CCSER1: variants seen among roughly 807,000 people sequenced by gnomAD.
The protein encoded by CCSER1 is serine-rich coiled-coil domain-containing protein 1.
Under a neutral mutation model 82.0 loss-of-function variants are expected in CCSER1, and 41 were observed. The ratio of observed to expected loss-of-function variants is 0.50; its 90% CI spans 0.39 to 0.65. CCSER1 has a LOEUF of 0.65. Among genes scored for constraint, CCSER1 ranks in the 30% least tolerant of loss-of-function variants. The pLI is 0.00. For synonymous variants in CCSER1, 414 were observed against 383.9 expected, an observed-to-expected ratio of 1.08 and a Z score of -0.92; for missense variants, 1,119 against 1,064.2, an observed-to-expected ratio of 1.05 and a Z score of -0.72.
At chr4:90,204,760 T>C (rs796985877) in intron 1 of CCSER1, among the ~76,000 whole-genome samples, 1 of 152,182 alleles carries the variant, frequency 6.6e-6, no homozygotes, top group Non-Finnish European at 1.5e-5. Context: ...GGGGATAGCA[T>C]TGAATCTATA....
chr4:90,434,041 C>G (rs997822548), intron 4 of CCSER1, among the ~76,000 whole-genome samples: 1 of 151,844 alleles, frequency 6.6e-6, no homozygotes, highest in African/African-American at 2.4e-5. Flanking sequence ...GAAGTTACAA[C>G]TTTTTCCCCA....
chr4:91,547,137 G>T (rs929513431), intron 10 of CCSER1, among the ~76,000 whole-genome samples: 2 of 151,866 alleles, frequency 1.3e-5, no homozygotes, highest in Non-Finnish European at 2.9e-5. Context: ...ATTTGTTAAG[G>T]TGTGTTTTAT....
At chr4:90,712,310 T>G (rs186117680) in intron 6 of CCSER1, among the ~76,000 whole-genome samples, 2 of 152,118 alleles carry the variant, frequency 1.3e-5, no homozygotes, top group African/African-American at 4.8e-5. Flanking sequence ...TAACACTGCC[T>G]TAGCTATGTC....
At chr4:90,984,243 T>C (rs17017870) in intron 9 of CCSER1, among the ~76,000 whole-genome samples, 4,067 of 151,906 alleles carry the variant, frequency 0.027, 164 homozygotes, top group African/African-American at 0.089. Context: ...TACCGAGTAC[T>C]GTGTTAACAA....
At chr4:91,111,675 T>C (rs1259008042) in intron 10 of CCSER1, among the ~76,000 whole-genome samples, 1 of 151,888 alleles carries the variant, frequency 6.6e-6, no homozygotes, top group African/African-American at 2.4e-5. Flanking sequence ...AACTCTTCTT[T>C]TCCATCCTGA....
chr4:90,875,043 C>G (rs764027645), intron 8 of CCSER1, among the ~76,000 whole-genome samples: 1 of 152,020 alleles, frequency 6.6e-6, no homozygotes, highest in Non-Finnish European at 1.5e-5. Context: ...GAGACTCCAT[C>G]TCAAAAAACA....
intron 1 of CCSER1, among the ~76,000 whole-genome samples, chr4:90,287,829 TTA>T (rs1730186074): frequency 6.6e-6 from 1 of 151,860 alleles, no homozygotes; most frequent in Non-Finnish European, 1.5e-5. Flanking sequence ...CTTTATGTAT[TTA>T]TGTTTCATTT....
At position 90,492,399 on chromosome 4, in the gene CCSER1, C is replaced by A. The variant is rs572931261; in HGVS notation, c.1724+24045C>A. On this transcript the variant is annotated intron_variant, in intron 5 of 10. Transcript: ENST00000509176. ...CATCTTTTATTGCATCCATTTGATT[C>A]TTCTCTCTTTTCTTCTTTATTAGTC... Among the ~76,000 whole-genome samples, 5 of 151,970 alleles carry A rather than the reference C, an allele frequency of 3.3e-5. No homozygotes were observed. In the South Asian group the frequency reaches 1.0e-3, roughly 32 times the overall value.
At chr4:90,416,883 T>C (rs1755880294) in intron 4 of CCSER1, among the ~76,000 whole-genome samples, 1 of 152,208 alleles carries the variant, frequency 6.6e-6, no homozygotes, top group Non-Finnish European at 1.5e-5. Context: ...AAGAATGAGT[T>C]CATGTTCTTT....
At chr4:90,995,149 T>A (rs910837272) in intron 9 of CCSER1, among the ~76,000 whole-genome samples, 1 of 152,142 alleles carries the variant, frequency 6.6e-6, no homozygotes, top group African/African-American at 2.4e-5. Context: ...TAAAGTTAGA[T>A]GTAGACTAAT....
At chr4:90,724,306 G>C (rs188422101) in intron 7 of CCSER1, among the ~76,000 whole-genome samples, 249 of 151,978 alleles carry the variant, frequency 1.6e-3, no homozygotes, top group African/African-American at 5.8e-3. Flanking sequence ...ATTAATATAA[G>C]TCATAGGGGA....
intron 10 of CCSER1, among the ~76,000 whole-genome samples, chr4:91,294,374 T>C (rs1023567906): frequency 1.3e-5 from 2 of 151,912 alleles, no homozygotes; most frequent in Admixed American, 6.6e-5. Context: ...TATTTAATCT[T>C]CCTGATAGAT....
intron 9 of CCSER1, among the ~76,000 whole-genome samples, chr4:91,078,759 A>G (rs1172866644): frequency 2.0e-5 from 3 of 152,376 alleles, no homozygotes; most frequent in African/African-American, 7.2e-5. Flanking sequence ...GCTGAAAACC[A>G]TGGCACGAGA....
At chr4:91,318,667 T>G (rs1282053455) in intron 10 of CCSER1, among the ~76,000 whole-genome samples, 1 of 152,068 alleles carries the variant, frequency 6.6e-6, no homozygotes, top group African/African-American at 2.4e-5. Context: ...TAAATGCTAC[T>G]TTAAAGAATA....
At chr4:90,314,283 G>A (rs994867118) in intron 3 of CCSER1, among the ~76,000 whole-genome samples, 3 of 152,082 alleles carry the variant, frequency 2.0e-5, no homozygotes, top group African/African-American at 7.2e-5. Context: ...TTGTGCATTG[G>A]CTATTATATT....
chr4:90,369,572 CAGAATTCAACA>C (rs1747005274), intron 3 of CCSER1, among the ~76,000 whole-genome samples: 1 of 151,922 alleles, frequency 6.6e-6, no homozygotes, highest in African/African-American at 2.4e-5. Context: ...CTTTAACTAA[CAGAATTCAACA>C]ATATATCAAA....
chr4:91,136,192 G>C (rs1728453729), intron 10 of CCSER1, among the ~76,000 whole-genome samples: 1 of 152,114 alleles, frequency 6.6e-6, no homozygotes, highest in Non-Finnish European at 1.5e-5. Context: ...TCTCACAGCA[G>C]CTACACCAAA....
At chr4:90,903,043 C>A (rs746888485) in intron 8 of CCSER1, among the ~76,000 whole-genome samples, 2 of 152,096 alleles carry the variant, frequency 1.3e-5, no homozygotes, top group African/African-American at 2.4e-5. Context: ...CAGGTACACC[C>A]TTTGGCTGCT....
At chr4:91,059,153 C>G (rs1743713403) in intron 9 of CCSER1, among the ~76,000 whole-genome samples, 1 of 151,864 alleles carries the variant, frequency 6.6e-6, no homozygotes, top group African/African-American at 2.4e-5. Flanking sequence ...TGATAACATA[C>G]TTTTATTTTG....
Sources: allele counts gnomAD v4.1 joint callset (sites outside exome capture counted in the v4.1 genomes callset), GRCh38; gene constraint gnomAD v4.1.1; transcripts MANE v1.5; gene names NCBI Gene and HGNC (gene_info 2026-07-23, HGNC 2026-07-21).